Variants in TMEM117 observed in about 807,000 individuals in gnomAD.
The protein encoded by TMEM117 is transmembrane protein 117.
In TMEM117, 27 loss-of-function variants were observed where a neutral mutation model predicts 52.4. That is an observed-to-expected ratio of 0.51 (90% CI 0.38 to 0.71). The LOEUF (loss-of-function observed/expected upper bound fraction) is 0.71. TMEM117 is among the 30% of genes least tolerant of loss of function. TMEM117 has a pLI of 0.00. For missense variants in TMEM117, 556 were observed against 630.5 expected, an observed-to-expected ratio of 0.88 and a Z score of 1.26; for synonymous variants, 215 against 206.3, an observed-to-expected ratio of 1.04 and a Z score of -0.36.
chr12:44,007,497 A>C (rs560120103), intron 3 of TMEM117, among the ~76,000 whole-genome samples: 2 of 152,210 alleles, frequency 1.3e-5, no homozygotes, highest in East Asian at 3.9e-4. Flanking sequence ...TCAAGAAAAA[A>C]AGTGAGTTTC....
intron 5 of TMEM117, among the ~76,000 whole-genome samples, chr12:44,253,834 C>A (rs1950222813): frequency 9.2e-6 from 1 of 108,926 alleles, no homozygotes; most frequent in African/African-American, 4.8e-5. Flanking sequence ...CTGATAATTC[C>A]TACACACACA....
intron 2 of TMEM117, among the ~76,000 whole-genome samples, chr12:43,922,234 C>T (rs926650946): frequency 3.3e-5 from 5 of 151,976 alleles, no homozygotes; most frequent in African/African-American, 9.7e-5. Context: ...AGGCAATACG[C>T]GTGCAGTGGG....
intron 3 of TMEM117, among the ~76,000 whole-genome samples, chr12:44,100,958 C>T (rs903635932): frequency 6.6e-6 from 1 of 151,902 alleles, no homozygotes; most frequent in African/African-American, 2.4e-5. Flanking sequence ...AAATTTATTT[C>T]TCACAGTTCT....
intron 4 of TMEM117, among the ~76,000 whole-genome samples, chr12:44,179,214 CTA>C (rs371905020): frequency 1.3e-5 from 2 of 150,190 alleles, no homozygotes; most frequent in Non-Finnish European, 3.0e-5. Flanking sequence ...AACAAAGCTG[CTA>C]TATATATATA....
intron 3 of TMEM117, among the ~76,000 whole-genome samples, chr12:44,096,601 C>G (rs1947768376): frequency 6.6e-6 from 1 of 151,372 alleles, no homozygotes; most frequent in Admixed American, 6.6e-5. Flanking sequence ...CTGAGAAAAA[C>G]AAGCAATGGG....
intron 6 of TMEM117, among the ~76,000 whole-genome samples, chr12:44,361,060 A>G (rs889013441): frequency 6.6e-6 from 1 of 152,188 alleles, no homozygotes; most frequent in Non-Finnish European, 1.5e-5. Context: ...GTCTTGGGAA[A>G]AATGGACTTA....
At chr12:43,921,459 G>C (rs571492908) in intron 2 of TMEM117, among the ~76,000 whole-genome samples, 2 of 152,242 alleles carry the variant, frequency 1.3e-5, no homozygotes, top group Non-Finnish European at 2.9e-5. Flanking sequence ...TATGACCTTA[G>C]AGAAATCAAG....
At chr12:44,281,940 G>C (rs1950581535) in intron 5 of TMEM117, among the ~76,000 whole-genome samples, 1 of 152,234 alleles carries the variant, frequency 6.6e-6, no homozygotes, top group African/African-American at 2.4e-5. Context: ...CCACCCAAAT[G>C]TCAACTTGAG....
chr12:44,156,157 T>C (rs985998170), intron 4 of TMEM117, among the ~76,000 whole-genome samples: 13 of 152,138 alleles, frequency 8.5e-5, no homozygotes. Context: ...TAAATGCTTG[T>C]TATAGTAGTC....
At chr12:44,368,139 C>T (rs1276709291) in intron 6 of TMEM117, among the ~76,000 whole-genome samples, 1 of 152,094 alleles carries the variant, frequency 6.6e-6, no homozygotes, top group African/African-American at 2.4e-5. Flanking sequence ...CTTCCTCTTT[C>T]ATATCAATCA....
intron 3 of TMEM117, among the ~76,000 whole-genome samples, chr12:44,142,977 ATAATT>A (rs536634167): frequency 1.3e-5 from 2 of 152,354 alleles, no homozygotes; most frequent in African/African-American, 4.8e-5. Flanking sequence ...TATTTCAGTA[ATAATT>A]TAAATCACAC....
chr12:43,920,020 A>G (rs1373753465), intron 2 of TMEM117, among the ~76,000 whole-genome samples: 1 of 151,942 alleles, frequency 6.6e-6, no homozygotes, highest in Non-Finnish European at 1.5e-5. Flanking sequence ...ATGGAAATCC[A>G]GATTCAATCT....
intron 3 of TMEM117, among the ~76,000 whole-genome samples, chr12:43,960,170 A>G (rs1393071746): frequency 6.6e-6 from 1 of 152,206 alleles, no homozygotes; most frequent in Non-Finnish European, 1.5e-5. Flanking sequence ...TAATAGCACA[A>G]TTAATTACTA....
At chr12:43,823,620 T>C in the TMEM117 span, among the ~76,000 whole-genome samples, 1 of 152,142 alleles carries the variant, frequency 6.6e-6, no homozygotes, top group East Asian at 1.9e-4. Flanking sequence ...AGCCTCAGGC[T>C]CTTCTGCCTC....
chr12:43,829,766 A>T, the TMEM117 span, among the ~76,000 whole-genome samples: 1 of 152,144 alleles, frequency 6.6e-6, no homozygotes, highest in Non-Finnish European at 1.5e-5. Flanking sequence ...GGGAGTGAGC[A>T]TGGGGCAGAG....
At chr12:43,896,323 C>G (rs12370425) in intron 2 of TMEM117, among the ~76,000 whole-genome samples, 4,119 of 152,316 alleles carry the variant, frequency 0.027, 83 homozygotes, top group Admixed American at 0.048. Flanking sequence ...CCCAATCTCC[C>G]TGTTTCCATC....
At chr12:44,164,645 C>G (rs1223652907) in intron 4 of TMEM117, among the ~76,000 whole-genome samples, 1 of 152,124 alleles carries the variant, frequency 6.6e-6, no homozygotes, top group Non-Finnish European at 1.5e-5. Context: ...TATGAAGATT[C>G]TGTAAACTCT....
intron 2 of TMEM117, among the ~76,000 whole-genome samples, chr12:43,933,745 T>A (rs1424398733): frequency 6.6e-6 from 1 of 151,962 alleles, no homozygotes; most frequent in East Asian, 1.9e-4. Flanking sequence ...GTATTTTTAG[T>A]AGAGACGGGG....
chr12:44,336,029 G>A (rs1274460296), intron 6 of TMEM117, among the ~76,000 whole-genome samples: 1 of 152,076 alleles, frequency 6.6e-6, no homozygotes, highest in South Asian at 2.1e-4. Context: ...GATGTGGCAA[G>A]TACCATGTTT....
Sources: allele counts gnomAD v4.1 joint callset (sites outside exome capture counted in the v4.1 genomes callset), GRCh38; gene constraint gnomAD v4.1.1; transcripts MANE v1.5; gene names NCBI Gene and HGNC (gene_info 2026-07-23, HGNC 2026-07-21).